Variants in FAM221A observed in about 807,000 individuals in gnomAD.
FAM221A encodes the protein family with sequence similarity 221 member A.
In FAM221A, 43 loss-of-function variants were observed where a neutral mutation model predicts 37.6. That is an observed-to-expected ratio of 1.15 (90% CI 0.90 to 1.48). FAM221A has a LOEUF of 1.48. Among genes scored for constraint, FAM221A ranks in the 40% most tolerant of loss-of-function variants. The pLI is 0.00. For synonymous variants in FAM221A, 135 were observed against 132.9 expected, an observed-to-expected ratio of 1.02 and a Z score of -0.11; for missense variants, 361 against 361.5, an observed-to-expected ratio of 1.00 and a Z score of 0.01.
chr7:23,698,731 C>T (rs572472774), intron 5 of FAM221A, among the ~76,000 whole-genome samples: 190 of 152,196 alleles, frequency 1.2e-3, no homozygotes, highest in Non-Finnish European at 1.9e-3. Flanking sequence ...CTGTATTTTC[C>T]TTACTGAAAA....
intron 2 of FAM221A, chr7:23,686,876 C>T (rs1041768609): frequency 1.3e-5 from 2 of 152,022 alleles, no homozygotes; most frequent in African/African-American, 2.4e-5. Flanking sequence ...ACCTCTGCCT[C>T]GTGGGTTCAA....
intron 3 of FAM221A, among the ~76,000 whole-genome samples, chr7:23,690,199 A>ATATATATATATTTTTTT (rs774313037): frequency 2.1e-5 from 1 of 48,740 alleles, no homozygotes; most frequent in African/African-American, 8.5e-5. Context: ...ATATATATAT[A>ATATATATATATTTTTTT]TTTTTTTTTT....
At chr7:23,696,285 G>A (rs1584280476) in intron 4 of FAM221A, among the ~76,000 whole-genome samples, 1 of 152,240 alleles carries the variant, frequency 6.6e-6, no homozygotes, top group East Asian at 1.9e-4. Flanking sequence ...TGGGCCGTGT[G>A]CAGTGGCTTA....
chr7:23,701,196 A>G (rs1472396252), intron 6 of FAM221A, among the ~76,000 whole-genome samples: 1 of 151,690 alleles, frequency 6.6e-6, no homozygotes, highest in African/African-American at 2.4e-5. Context: ...TTTTTTATTT[A>G]AAAATATTTG....
intron 1 of FAM221A, among the ~76,000 whole-genome samples, chr7:23,682,045 A>G (rs941522176): frequency 6.6e-6 from 1 of 151,902 alleles, no homozygotes; most frequent in African/African-American, 2.4e-5. Context: ...TTAGAAAAGC[A>G]GAATCTCAGG....
intron 4 of FAM221A, chr7:23,692,095 ATG>A: frequency 2.2e-6 from 1 of 450,482 alleles, no homozygotes; most frequent in Non-Finnish European, 2.9e-6. Flanking sequence ...GTATATATGT[ATG>A]TGCACACACA....
chr7:23,702,239 T>C lies in FAM221A; in HGVS notation c.*75T>C. ...ATTTAAATGTAATAATACAGTTTAT[T>C]TTTCCTGAAATTATTTACTTTTTTT... On this transcript the variant is annotated 3_prime_UTR_variant, in exon 7 of 7. Coordinates refer to ENST00000344962, the MANE Select transcript of FAM221A (RefSeq NM_199136.5). The C allele has an allele frequency of 1.1e-6, 1 of 943,708 alleles. No individual in the cohort carries two copies. The highest frequency in any genetic ancestry group is 1.5e-6 in the Non-Finnish European group (1 of 662,196). 58.5% of individuals were successfully genotyped at this position (943,708 alleles called of 1,614,324 possible).
intron 3 of FAM221A, among the ~76,000 whole-genome samples, chr7:23,690,193 A>AT (rs1188163263): frequency 3.0e-4 from 14 of 46,532 alleles, no homozygotes; most frequent in African/African-American, 8.0e-4. Context: ...ATATATATAT[A>AT]TATATATTTT....
chr7:23,700,211 A>G (rs2128051622), intron 5 of FAM221A, among the ~76,000 whole-genome samples: 1 of 152,314 alleles, frequency 6.6e-6, no homozygotes, highest in Middle Eastern at 3.4e-3. Flanking sequence ...GAAGACCTTC[A>G]CTCGCAATGA....
intron 5 of FAM221A, among the ~76,000 whole-genome samples, chr7:23,699,535 C>CTTTTTTTTT (rs57930152): frequency 2.2e-4 from 14 of 64,164 alleles, no homozygotes; most frequent in Non-Finnish European, 2.9e-4. Flanking sequence ...TCACCTTTTC[C>CTTTTTTTTT]TTTTTTTTTT....
chr7:23,683,745 C>T (rs1474146710), intron 1 of FAM221A, among the ~76,000 whole-genome samples: 1 of 152,076 alleles, frequency 6.6e-6, no homozygotes, highest in Non-Finnish European at 1.5e-5. Flanking sequence ...GCTGAGACAC[C>T]TATGTTTCTG....
chr7:23,697,211 C>G (rs1484528699), intron 4 of FAM221A, among the ~76,000 whole-genome samples: 1 of 152,222 alleles, frequency 6.6e-6, no homozygotes, highest in Non-Finnish European at 1.5e-5. Flanking sequence ...CCCACATGCC[C>G]CATGGAAGCC....
At chr7:23,698,075 A>ATAG (rs1785175277) in intron 4 of FAM221A, 117 bp from the exon 5 acceptor site, 1 of 636,784 alleles carries the variant, frequency 1.6e-6, no homozygotes, top group Non-Finnish European at 2.7e-6. Context: ...TTTTTTTTTT[A>ATAG]TAGAAAGAAT....
In FAM221A at chr7:23,689,444, T is replaced by A; in HGVS notation, c.415T>A (p.Phe139Ile). The change falls in exon 3 of 7, where the codon TTT (phenylalanine) becomes ATT (isoleucine). Residue 139 changes from phenylalanine (F) to isoleucine (I), a missense_variant. By Grantham distance (21) the Phe-to-Ile change is conservative (BLOSUM62 0). Coordinates refer to ENST00000344962, the MANE Select transcript of FAM221A (RefSeq NM_199136.5). The part of the protein sequence containing the change: ...FADQHSAAPG[F>I]TCNTCSKCSG... ...TGATCAGCACAGTGCTGCGCCTGGC[T>A]TTACATGCAATACATGTGAGTTATA... is the stretch of plus-strand genomic sequence containing the variant. 1 of 1,563,822 alleles carries A rather than the reference T, an allele frequency of 6.4e-7. No homozygotes were observed. Among genetic ancestry groups the A allele is most frequent in the Non-Finnish European group, 8.8e-7 (1 of 1,141,970 alleles).
In FAM221A at chr7:23,702,236, TA is replaced by T. The variant is rs1185594445; in HGVS notation, c.*73del. ...TTTATTTAAATGTAATAATACAGTTTATTTTTCCTGAAATTATTTACTTTTT... is the reference window on the plus strand; with the variant it reads ...TTTATTTAAATGTAATAATACAGTTTTTTTTCCTGAAATTATTTACTTTTT... On this transcript the variant is annotated 3_prime_UTR_variant, in exon 7 of 7. Coordinates refer to ENST00000344962, the MANE Select transcript of FAM221A (RefSeq NM_199136.5). 1 of 951,334 alleles carries T rather than the reference TA, an allele frequency of 1.1e-6. No homozygotes were observed. The highest frequency in any genetic ancestry group is 1.5e-6 in the Non-Finnish European group (1 of 666,456). The allele number at this position is 951,334 out of a possible 1,614,324, so 58.9% of individuals were successfully genotyped here.
At chr7:23,683,365 T>C (rs1784177003) in intron 1 of FAM221A, among the ~76,000 whole-genome samples, 1 of 152,240 alleles carries the variant, frequency 6.6e-6, no homozygotes, top group Non-Finnish European at 1.5e-5. Context: ...TGGTTGGAGC[T>C]TGTGCTGAGC....
chr7:23,700,509 C>T (rs1408209999), intron 5 of FAM221A, among the ~76,000 whole-genome samples: 1 of 152,082 alleles, frequency 6.6e-6, no homozygotes, highest in Non-Finnish European at 1.5e-5. Flanking sequence ...AGTAGTTGGA[C>T]AAAACTAAGT....
At chr7:23,688,384 A>G (rs1362203068) in intron 2 of FAM221A, 1 of 152,160 alleles carries the variant, frequency 6.6e-6, no homozygotes, top group African/African-American at 2.4e-5. Context: ...GAGAATAATA[A>G]ATTTAGTATT....
chr7:23,686,052 T>C (rs1227027538), intron 2 of FAM221A, among the ~76,000 whole-genome samples: 1 of 152,210 alleles, frequency 6.6e-6, no homozygotes, highest in African/African-American at 2.4e-5. Flanking sequence ...TAATGTTGTA[T>C]ATAGATTGAT....
Sources: gnomAD v4.1 joint callset for allele counts (sites outside exome capture counted in the v4.1 genomes callset) on GRCh38, gnomAD v4.1.1 for gene constraint, MANE v1.5 for transcripts, NCBI Gene and HGNC (gene_info 2026-07-23, HGNC 2026-07-21) for gene names.